Variants in SLC7A1 observed in about 807,000 individuals in gnomAD.
SLC7A1 encodes solute carrier family 7 member 1, also known as high affinity cationic amino acid transporter 1.
In SLC7A1, 10 loss-of-function variants were observed where a neutral mutation model predicts 53.9. The ratio of observed to expected loss-of-function variants is 0.19; its 90% confidence interval spans 0.11 to 0.31. SLC7A1 has a LOEUF of 0.31. SLC7A1 is among the 10% of genes least tolerant of loss of function. SLC7A1 has a pLI of 1.00. For synonymous variants in SLC7A1, 342 were observed against 338.7 expected (o/e 1.01, Z -0.11); for missense variants, 525 against 827.2 (o/e 0.63, Z 4.48).
rs1243751385 is a variant in SLC7A1 at position 29,522,334 on chromosome 13, G to A, written c.1172C>T (p.Ala391Val). 1 of 1,614,218 alleles carries A rather than the reference G, an allele frequency of 6.2e-7. No homozygotes were observed. The highest frequency in any genetic ancestry group is 8.5e-7 in the Non-Finnish European group (1 of 1,180,042). ...GTACTCACCAGCAACGGCACCCGAG[G>A]CTAATGTGGCGATTATTGGTGTTTT... is the stretch of plus-strand genomic sequence containing the variant. ...RTKTPIIATLASGAVAAVMAF... is the reference protein window; with the variant it reads ...RTKTPIIATLVSGAVAAVMAF... The change falls in exon 8 of 13, where the codon GCC becomes GTC. Residue 391 changes from alanine to valine, a missense_variant. Physicochemically the swap from Ala to Val is moderately conservative, Grantham distance 64. Transcript: ENST00000380752.
At chr13:29,580,265 G>A (rs1871584640) in intron 1 of SLC7A1, among the ~76,000 whole-genome samples, 1 of 152,180 alleles carries the variant, frequency 6.6e-6, no homozygotes, top group South Asian at 2.1e-4. Flanking sequence ...CAGCAAGTGT[G>A]ATAAGTCCCC....
intron 2 of SLC7A1, among the ~76,000 whole-genome samples, chr13:29,540,664 C>T (rs1869625731): frequency 6.6e-6 from 1 of 152,180 alleles, no homozygotes; most frequent in Non-Finnish European, 1.5e-5. Context: ...GCCCTTCTTT[C>T]AAGAAAATCT....
At position 29,509,796 on chromosome 13, in the gene SLC7A1, A is replaced by G. The variant is rs1346843761; in HGVS notation, c.*4684T>C. The G allele has an allele frequency of 6.6e-6, 1 of 152,610 alleles. No individual in the cohort carries two copies. The highest frequency in any genetic ancestry group is 1.5e-5 in the Non-Finnish European group (1 of 68,042). The allele number at this position is 152,610 out of a possible 1,614,324, so 9.5% of individuals were successfully genotyped here. ...TAATAATGGCTCCATGTTCAGTAGA[A>G]GAAAATATTTACTGGAGAAACCACA... On this transcript the variant is annotated 3_prime_UTR_variant, in exon 13 of 13. Transcript: ENST00000380752.
intron 10 of SLC7A1, 61 bp from the exon 11 acceptor site, chr13:29,517,371 A>G: frequency 6.6e-7 from 1 of 1,517,936 alleles, no homozygotes; most frequent in Non-Finnish European, 9.0e-7. Flanking sequence ...TCCCACAGGC[A>G]TCCACTGTTC....
At chr13:29,584,352 G>C (rs1360942217) in intron 1 of SLC7A1, among the ~76,000 whole-genome samples, 1 of 152,078 alleles carries the variant, frequency 6.6e-6, no homozygotes, top group African/African-American at 2.4e-5. Flanking sequence ...TCACCATGTT[G>C]GCCAGGCTGG....
chr13:29,566,945 C>T (rs1870992468), intron 1 of SLC7A1, among the ~76,000 whole-genome samples: 1 of 152,176 alleles, frequency 6.6e-6, no homozygotes, highest in Admixed American at 6.5e-5. Flanking sequence ...AACTCTACCA[C>T]CCCACTCCCC....
At chr13:29,553,573 T>A (rs1186944992) in intron 2 of SLC7A1, among the ~76,000 whole-genome samples, 188 bp downstream of exon 2, 1 of 152,194 alleles carries the variant, frequency 6.6e-6, no homozygotes, top group Non-Finnish European at 1.5e-5. Flanking sequence ...TCAATGGGTC[T>A]GGACAGGTAG....
At chr13:29,571,663 C>T (rs1871197715) in intron 1 of SLC7A1, among the ~76,000 whole-genome samples, 1 of 152,194 alleles carries the variant, frequency 6.6e-6, no homozygotes, top group Non-Finnish European at 1.5e-5. Flanking sequence ...CCTATTCCAC[C>T]AGAGGGGCGG....
At chr13:29,518,086 C>T (rs1033263442) in intron 9 of SLC7A1, among the ~76,000 whole-genome samples, 7 of 152,180 alleles carry the variant, frequency 4.6e-5, no homozygotes, top group South Asian at 2.1e-4. Flanking sequence ...GAAGTGGCAG[C>T]GGCCCTCAGA....
At chr13:29,529,018 A>C (rs1048371740) in intron 5 of SLC7A1, among the ~76,000 whole-genome samples, 8 of 152,210 alleles carry the variant, frequency 5.3e-5, no homozygotes, top group African/African-American at 1.2e-4. Context: ...AACCGGTCGA[A>C]TATGCTCTGA....
chr13:29,552,793 C>T (rs1397339128), intron 2 of SLC7A1, among the ~76,000 whole-genome samples: 1 of 152,154 alleles, frequency 6.6e-6, no homozygotes, highest in Non-Finnish European at 1.5e-5. Context: ...CTGTTCGAGG[C>T]TCTCAGCTCT....
intron 1 of SLC7A1, among the ~76,000 whole-genome samples, chr13:29,576,344 G>A (rs1276867181): frequency 6.9e-6 from 1 of 145,962 alleles, no homozygotes; most frequent in Non-Finnish European, 1.5e-5. Context: ...CTTCCTGCAG[G>A]TAGGAAGAAC....
chr13:29,575,155 CT>C (rs1488841973), intron 1 of SLC7A1, among the ~76,000 whole-genome samples: 1 of 152,202 alleles, frequency 6.6e-6, no homozygotes, highest in Non-Finnish European at 1.5e-5. Flanking sequence ...TCAGAAGGCA[CT>C]TTTTCTAGGC....
chr13:29,516,988 TG>T, intron 11 of SLC7A1, 155 bp downstream of exon 11: 1 of 613,516 alleles, frequency 1.6e-6, no homozygotes, highest in Non-Finnish European at 2.7e-6. Context: ...GTCCTCTCTG[TG>T]CCTTCAGGAC....
chr13:29,578,695 C>T (rs1057302927), intron 1 of SLC7A1, among the ~76,000 whole-genome samples: 1 of 152,230 alleles, frequency 6.6e-6, no homozygotes, highest in Non-Finnish European at 1.5e-5. Flanking sequence ...TAGCTCTTGC[C>T]CGGTGCCTTT....
intron 3 of SLC7A1, 27 bp downstream of exon 3, chr13:29,535,792 C>G (rs1869384113): frequency 1.9e-6 from 3 of 1,594,856 alleles, no homozygotes; most frequent in Non-Finnish European, 2.6e-6. Context: ...TGGTAGAGGG[C>G]ACGAGCTCCG....
chr13:29,510,289 C>T lies in SLC7A1; in HGVS notation c.*4191G>A, dbSNP rs1883352972. The T allele has an allele frequency of 1.3e-5, 2 of 152,554 alleles. No individual in the cohort carries two copies. Among genetic ancestry groups the T allele is most frequent in the Admixed American group, 6.5e-5 (1 of 15,276 alleles). The allele number at this position is 152,554 out of a possible 1,614,324, so 9.5% of individuals were successfully genotyped here. On this transcript the variant is annotated 3_prime_UTR_variant, in exon 13 of 13. Coordinates refer to ENST00000380752, the MANE Select transcript of SLC7A1 (RefSeq NM_003045.5). ...CACAGAAAGGCTGGACTCGAGGAAT[C>T]GAGGGGTGAAGATGGAGTCGGCTGA...
In SLC7A1 at chr13:29,513,368, C is replaced by G. The variant is rs1883452286; in HGVS notation, c.*1112G>C. 1 of 152,688 alleles carries G rather than the reference C, an allele frequency of 6.5e-6. No individual in the cohort carries two copies. Among genetic ancestry groups the G allele is most frequent in the South Asian group, 2.1e-4 (1 of 4,836 alleles). 9.5% of individuals were successfully genotyped at this position (152,688 alleles called of 1,614,324 possible). On this transcript the variant is annotated 3_prime_UTR_variant, in exon 13 of 13. Coordinates refer to ENST00000380752, the MANE Select transcript of SLC7A1 (RefSeq NM_003045.5). ...GCCATTTCCAAGTTAATGTTATGCC[C>G]TAACTTAATCTGGTGGAGTGTCACA...
Position 29,517,577 on chromosome 13 carries a change from G to T in SLC7A1, c.1506C>A (p.Leu502=). 1 of 1,612,672 alleles carries T rather than the reference G, an allele frequency of 6.2e-7. No individual in the cohort carries two copies. Among genetic ancestry groups the T allele is most frequent in the Non-Finnish European group, 8.5e-7 (1 of 1,178,698 alleles). Residue 502 remains leucine, a synonymous_variant, in exon 10 of 13, where the codon CTC becomes CTA. Transcript: ENST00000380752. ...SGLIVNISTS[L]IAVLIITFCI... ...CAGGGAAGGGCTAGCTCTTACCTAT[G>T]AGGCTGGTTGAAATGTTCACAATTA... is the stretch of plus-strand genomic sequence containing the variant.
Sources: gnomAD v4.1 joint callset for allele counts (sites outside exome capture counted in the v4.1 genomes callset) on GRCh38, gnomAD v4.1.1 for gene constraint, MANE v1.5 for transcripts, NCBI Gene and HGNC (gene_info 2026-07-23, HGNC 2026-07-21) for gene names.